Variants in NRG3 observed in about 807,000 individuals in gnomAD.
NRG3 encodes pro-neuregulin-3, membrane-bound isoform.
A neutral mutation model predicts 66.9 loss-of-function variants in NRG3; 31 were observed. The observed-to-expected ratio is 0.46, with a 90% CI of 0.35 to 0.63. The LOEUF (loss-of-function observed/expected upper bound fraction) is 0.63. NRG3 is among the 20% of genes least tolerant of loss of function. The pLI, the probability that NRG3 is intolerant of heterozygous loss-of-function variation, is 0.00. For synonymous variants in NRG3, 393 were observed against 359.4 expected (o/e 1.09, Z -1.06); for missense variants, 910 against 878.9 (o/e 1.04, Z -0.45).
At chr10:82,664,338 T>A (rs189508533) in intron 2 of NRG3, among the ~76,000 whole-genome samples, 104 of 152,334 alleles carry the variant, frequency 6.8e-4, no homozygotes, top group African/African-American at 2.5e-3. Flanking sequence ...AAAGTAGATA[T>A]CCTGCCAATA....
chr10:82,319,663 CCT>C (rs1168760372), intron 1 of NRG3, among the ~76,000 whole-genome samples: 1 of 152,134 alleles, frequency 6.6e-6, no homozygotes, highest in Non-Finnish European at 1.5e-5. Flanking sequence ...GTTTGGCAAA[CCT>C]CTGCCAGCAC....
In NRG3 at chr10:81,878,065, C is replaced by A. The variant is rs1841843767; in HGVS notation, c.823+1902C>A. On this transcript the variant is annotated intron_variant, in intron 1 of 8. Coordinates refer to ENST00000372141, the MANE Select transcript of NRG3 (RefSeq NM_001010848.4). ...TTTCTCAATTGATTTCCTTGTGTACCATTCCGGAGGTCTTTAAAGAAAAGC... is the reference window on the plus strand; with the variant it reads ...TTTCTCAATTGATTTCCTTGTGTACAATTCCGGAGGTCTTTAAAGAAAAGC... 3 of 1,536,612 alleles carry A rather than the reference C, an allele frequency of 2.0e-6. No homozygotes were observed. In the South Asian group the frequency reaches 3.6e-5, roughly 18 times the overall value.
intron 2 of NRG3, among the ~76,000 whole-genome samples, chr10:82,685,594 T>C (rs941740309): frequency 6.6e-6 from 1 of 152,202 alleles, no homozygotes; most frequent in African/African-American, 2.4e-5. Context: ...TGTAAAAAAA[T>C]ATTTTTTCTT....
At chr10:82,781,808 T>A (rs887031139) in intron 3 of NRG3, among the ~76,000 whole-genome samples, 1 of 152,046 alleles carries the variant, frequency 6.6e-6, no homozygotes, top group African/African-American at 2.4e-5. Context: ...AGTCAATATT[T>A]CCTGAAGCAC....
chr10:82,944,712 G>A (rs754309146), intron 4 of NRG3, among the ~76,000 whole-genome samples: 7 of 152,048 alleles, frequency 4.6e-5, no homozygotes, highest in Admixed American at 6.6e-5. Flanking sequence ...TTTACTTTCT[G>A]TTTTCTATTA....
intron 1 of NRG3, among the ~76,000 whole-genome samples, chr10:82,113,027 A>C (rs1262447119): frequency 1.3e-5 from 2 of 152,158 alleles, no homozygotes; most frequent in Non-Finnish European, 2.9e-5. Flanking sequence ...TCTGAAACAA[A>C]TCATTTCTTG....
At chr10:82,429,534 G>GT (rs1360797433) in intron 2 of NRG3, among the ~76,000 whole-genome samples, 2 of 151,920 alleles carry the variant, frequency 1.3e-5, no homozygotes, top group East Asian at 1.9e-4. Context: ...TAAATTTTGT[G>GT]TTTTTTTCTC....
intron 4 of NRG3, among the ~76,000 whole-genome samples, chr10:82,901,775 G>T (rs1392615734): frequency 6.6e-6 from 1 of 152,182 alleles, no homozygotes; most frequent in South Asian, 2.1e-4. Flanking sequence ...AGAACTTGGT[G>T]GTGGTGCACA....
chr10:81,986,659 C>T (rs529624666), intron 1 of NRG3, among the ~76,000 whole-genome samples: 3 of 152,186 alleles, frequency 2.0e-5, no homozygotes, highest in South Asian at 4.2e-4. Flanking sequence ...AATATAAATT[C>T]ATTGGCACAA....
intron 3 of NRG3, among the ~76,000 whole-genome samples, chr10:82,844,848 G>C (rs1223613370): frequency 1.3e-5 from 2 of 152,014 alleles, no homozygotes; most frequent in Admixed American, 1.3e-4. Flanking sequence ...CAAAAAAATA[G>C]GTTGGAAATT....
At chr10:82,811,966 C>A (rs2061507798) in intron 3 of NRG3, among the ~76,000 whole-genome samples, 1 of 152,202 alleles carries the variant, frequency 6.6e-6, no homozygotes, top group Non-Finnish European at 1.5e-5. Flanking sequence ...GCTTGGCAAG[C>A]ATGTTGTCTT....
chr10:82,581,559 A>G (rs983456446), intron 2 of NRG3, among the ~76,000 whole-genome samples: 1 of 152,062 alleles, frequency 6.6e-6, no homozygotes, highest in African/African-American at 2.4e-5. Flanking sequence ...AGTTACTAGA[A>G]TATGTGTGGG....
rs1265537606 is a variant in NRG3 at position 82,106,955 on chromosome 10, A to C, written c.823+230792A>C. On this transcript the variant is annotated intron_variant, in intron 1 of 8. Coordinates refer to ENST00000372141, the MANE Select transcript of NRG3 (RefSeq NM_001010848.4). ...TTAATATAGTCCCATTTGGTGTAGC[A>C]ATTTATTTCCTTCTCCACTTAAAGA... Among the ~76,000 whole-genome samples, 4 of 152,310 alleles carry C rather than the reference A, an allele frequency of 2.6e-5. No homozygotes were observed. The East Asian group carries it at 7.7e-4, about 29-fold the overall frequency.
chr10:82,407,267 GT>G (rs948867891), intron 2 of NRG3, among the ~76,000 whole-genome samples: 62 of 151,832 alleles, frequency 4.1e-4, no homozygotes, highest in Non-Finnish European at 6.3e-4. Context: ...ACCATATAAT[GT>G]TTTTTTAAAG....
chr10:81,965,687 T>C (rs1042042538), intron 1 of NRG3, among the ~76,000 whole-genome samples: 2 of 152,194 alleles, frequency 1.3e-5, no homozygotes, highest in Admixed American at 6.5e-5. Context: ...GGGATCTTAA[T>C]AGCATTATCT....
intron 2 of NRG3, among the ~76,000 whole-genome samples, chr10:82,600,995 C>A (rs2047592512): frequency 6.6e-6 from 1 of 152,048 alleles, no homozygotes; most frequent in Admixed American, 6.6e-5. Flanking sequence ...ATCTTTATGT[C>A]CATGTGTACC....
chr10:82,438,766 G>T (rs1233452495), intron 2 of NRG3, among the ~76,000 whole-genome samples: 2 of 152,052 alleles, frequency 1.3e-5, no homozygotes, highest in African/African-American at 2.4e-5. Flanking sequence ...TCCCTTGGCT[G>T]GGGGGAGGGG....
At chr10:82,291,865 A>G (rs2079768300) in intron 1 of NRG3, among the ~76,000 whole-genome samples, 1 of 152,222 alleles carries the variant, frequency 6.6e-6, no homozygotes, top group African/African-American at 2.4e-5. Context: ...TAAAGCTATA[A>G]AACTTTTAAG....
intron 4 of NRG3, among the ~76,000 whole-genome samples, chr10:82,949,688 C>T (rs978218396): frequency 3.8e-4 from 57 of 151,980 alleles, no homozygotes; most frequent in African/African-American, 1.3e-3. Context: ...AACCTCATCT[C>T]TACTAAAAGT....
Sources: gnomAD v4.1 joint callset for allele counts (sites outside exome capture counted in the v4.1 genomes callset) on GRCh38, gnomAD v4.1.1 for gene constraint, MANE v1.5 for transcripts, NCBI Gene and HGNC (gene_info 2026-07-23, HGNC 2026-07-21) for gene names.